The following WASF1 variants were observed in gnomAD, a reference collection of about 807,000 sequenced individuals.
WASF1 encodes WASP family member 1.
A neutral mutation model predicts 50.5 loss-of-function variants in WASF1; 7 were observed. That is an observed-to-expected ratio of 0.14 (90% confidence interval 0.08 to 0.26). WASF1 has a LOEUF of 0.26. Among genes scored for constraint, WASF1 ranks in the 10% least tolerant of loss-of-function variants. WASF1 has a pLI of 1.00. For synonymous variants in WASF1, 205 were observed against 244.0 expected, an observed-to-expected ratio of 0.84 and a Z score of 1.49; for missense variants, 470 against 694.7, an observed-to-expected ratio of 0.68 and a Z score of 3.64.
chr6:110,139,719 A>T (rs553961924), intron 3 of WASF1, among the ~76,000 whole-genome samples: 1 of 152,254 alleles, frequency 6.6e-6, no homozygotes, highest in East Asian at 1.9e-4. Flanking sequence ...GATCCCCTCC[A>T]ATCCATGGAG....
At chr6:110,151,839 G>C (rs2114582131) in intron 3 of WASF1, among the ~76,000 whole-genome samples, 1 of 152,204 alleles carries the variant, frequency 6.6e-6, no homozygotes, top group South Asian at 2.1e-4. Context: ...ACTGGACATG[G>C]AAATGCTATG....
In WASF1 at chr6:110,107,114, T is replaced by C; in HGVS notation, c.503A>G (p.Asp168Gly). 1 of 1,609,168 alleles carries C rather than the reference T, an allele frequency of 6.2e-7. No individual in the cohort carries two copies. Among genetic ancestry groups the C allele is most frequent in the Non-Finnish European group, 8.5e-7 (1 of 1,178,648 alleles). Residue 168 changes from aspartate to glycine, a missense_variant, in exon 7 of 11, where the codon GAT (aspartate) becomes GGT (glycine). Physicochemically the swap from Asp to Gly is moderately conservative, Grantham distance 94. Coordinates refer to ENST00000392589, the MANE Select transcript of WASF1 (RefSeq NM_003931.3). ...CTTTTCCTTCCTCTTATCCTCTGTA[T>C]CTTGCAACATTTTTTCTTTCCATAG... The part of the protein sequence containing the change: ...FDLWKEKMLQ[D>G]TEDKRKEKRK...
chr6:110,154,884 T>C (rs1184729329), intron 3 of WASF1, among the ~76,000 whole-genome samples: 2 of 152,138 alleles, frequency 1.3e-5, no homozygotes, highest in Non-Finnish European at 2.9e-5. Flanking sequence ...CTGGATCTTA[T>C]GTAAAGTTGT....
chr6:110,146,549 T>C (rs1775571487), intron 3 of WASF1, among the ~76,000 whole-genome samples: 1 of 151,754 alleles, frequency 6.6e-6, no homozygotes, highest in Non-Finnish European at 1.5e-5. Context: ...TAAAAATATA[T>C]ATATCTAACT....
intron 3 of WASF1, among the ~76,000 whole-genome samples, 169 bp from the exon 4 acceptor site, chr6:110,127,798 G>A (rs1774481971): frequency 6.6e-6 from 1 of 152,114 alleles, no homozygotes; most frequent in Non-Finnish European, 1.5e-5. Context: ...CCCTGAGACA[G>A]CAGGACAAAC....
chr6:110,152,851 A>G (rs1458765884), intron 3 of WASF1, among the ~76,000 whole-genome samples: 1 of 152,222 alleles, frequency 6.6e-6, no homozygotes, highest in Non-Finnish European at 1.5e-5. Context: ...AACATGGCTT[A>G]ATACTGTGAA....
chr6:110,135,876 C>CTTTTTTTT (rs778710982), intron 3 of WASF1, among the ~76,000 whole-genome samples: 20 of 68,324 alleles, frequency 2.9e-4, no homozygotes, highest in Middle Eastern at 0.015. Flanking sequence ...AGTCCATTAT[C>CTTTTTTTT]TTTTTTTTTT....
intron 6 of WASF1, 90 bp downstream of exon 6, chr6:110,108,438 C>T (rs945308313): frequency 1.1e-5 from 15 of 1,362,870 alleles, no homozygotes; most frequent in African/African-American, 2.9e-5. Flanking sequence ...TTGGCTAGAA[C>T]CCCAATGAAA....
intron 3 of WASF1, among the ~76,000 whole-genome samples, chr6:110,128,091 G>T (rs1460052098): frequency 6.6e-6 from 1 of 151,754 alleles, no homozygotes; most frequent in Non-Finnish European, 1.5e-5. Flanking sequence ...CAATGCAGAG[G>T]GTTGGTGCCC....
chr6:110,111,172 C>T (rs1240119885), intron 5 of WASF1, among the ~76,000 whole-genome samples: 1 of 151,890 alleles, frequency 6.6e-6, no homozygotes, highest in Non-Finnish European at 1.5e-5. Flanking sequence ...CTGTGTATTT[C>T]TCTATTATTT....
At chr6:110,177,376 T>C (rs1776975755) in intron 2 of WASF1, among the ~76,000 whole-genome samples, 1 of 152,058 alleles carries the variant, frequency 6.6e-6, no homozygotes, top group African/African-American at 2.4e-5. Flanking sequence ...AAACCCTTGA[T>C]AGATGAGAAA....
At chr6:110,127,371 C>A in intron 4 of WASF1, 98 bp downstream of exon 4, 1 of 1,123,764 alleles carries the variant, frequency 8.9e-7, no homozygotes, top group East Asian at 3.0e-5. Context: ...CTCTTCTCAC[C>A]AAATCATACT....
intron 3 of WASF1, among the ~76,000 whole-genome samples, chr6:110,146,525 T>A (rs1432980228): frequency 6.6e-6 from 1 of 151,684 alleles, no homozygotes; most frequent in Non-Finnish European, 1.5e-5. Context: ...TAAAAATATA[T>A]CTAATTTTTT....
chr6:110,136,221 GTTTT>G (rs1774963319), intron 3 of WASF1, among the ~76,000 whole-genome samples: 1 of 152,098 alleles, frequency 6.6e-6, no homozygotes, highest in Non-Finnish European at 1.5e-5. Flanking sequence ...TCCTTGAAAA[GTTTT>G]TTGTTTTTGT....
Position 110,113,391 on chromosome 6 carries a change from G to A in WASF1, c.203C>T (p.Ser68Leu). The part of the protein sequence containing the change: ...EAHSFSFRVN[S>L]LQERVDRLSV... ...TAAACGGTCCACACGTTCTTGCAAT[G>A]AGTTGACTCTGAAGGAAAAACTATG... Residue 68 changes from serine to leucine, a missense_variant, in exon 5 of 11, where the codon TCA becomes TTA. By Grantham distance (145) the Ser-to-Leu change is moderately radical. Coordinates refer to ENST00000392589, the MANE Select transcript of WASF1 (RefSeq NM_003931.3). 9 of 1,606,284 alleles carry A rather than the reference G, an allele frequency of 5.6e-6. No homozygotes were observed. The highest frequency in any genetic ancestry group is 7.6e-6 in the Non-Finnish European group (9 of 1,176,628).
Position 110,100,502 on chromosome 6 carries a change from T to C in WASF1, c.*20A>G, listed in dbSNP as rs1301254289. On this transcript the variant is annotated 3_prime_UTR_variant, in exon 11 of 11. Transcript: ENST00000392589. Reference sequence around the variant, plus strand: ...AGGACATTTGCATTCAGTTTTGTAATATTTATCAATGCATTTTTCTTACTC... The same window carrying C: ...AGGACATTTGCATTCAGTTTTGTAACATTTATCAATGCATTTTTCTTACTC... 1 of 1,592,940 alleles carries C rather than the reference T, an allele frequency of 6.3e-7. No homozygotes were observed. Among genetic ancestry groups the C allele is most frequent in the Non-Finnish European group, 8.6e-7 (1 of 1,165,778 alleles).
chr6:110,149,594 T>G lies in WASF1; in HGVS notation c.-29+11041A>C, dbSNP rs112456672. 2.6e-3 allele frequency among the ~76,000 whole-genome samples: 389 copies of G among 152,178 alleles called. 2 individuals are homozygous for G. Among genetic ancestry groups the G allele is most frequent in the Non-Finnish European group, 3.9e-3 (263 of 67,996 alleles). On this transcript the variant is annotated intron_variant, in intron 3 of 10. Coordinates refer to ENST00000392589, the MANE Select transcript of WASF1 (RefSeq NM_003931.3). Reference sequence around the variant, plus strand: ...ATAATTCATATCCGATTTTTGTAGATTAGCAAACTTACCTGAAAAAGCTAA... The same window carrying G: ...ATAATTCATATCCGATTTTTGTAGAGTAGCAAACTTACCTGAAAAAGCTAA...
At chr6:110,178,947 C>G (rs1469028942) in intron 1 of WASF1, among the ~76,000 whole-genome samples, 1 of 152,226 alleles carries the variant, frequency 6.6e-6, no homozygotes, top group Non-Finnish European at 1.5e-5. Context: ...AAAGGATGCC[C>G]GCACTCGCTT....
At chr6:110,120,857 G>A (rs1156953732) in intron 4 of WASF1, among the ~76,000 whole-genome samples, 2 of 152,148 alleles carry the variant, frequency 1.3e-5, no homozygotes, top group Admixed American at 6.6e-5. Context: ...CAATGGAACA[G>A]AACAGAGCCC....
Sources: allele counts gnomAD v4.1 joint callset (sites outside exome capture counted in the v4.1 genomes callset), GRCh38; gene constraint gnomAD v4.1.1; transcripts MANE v1.5; gene names NCBI Gene and HGNC (gene_info 2026-07-23, HGNC 2026-07-21).